Variants in DNAJC15 observed in about 807,000 individuals in gnomAD.
DNAJC15 encodes the protein dnaJ homolog subfamily C member 15.
A neutral mutation model predicts 22.4 loss-of-function variants in DNAJC15; 27 were observed. The ratio of observed to expected loss-of-function variants is 1.20; its 90% CI spans 0.89 to 1.66. The LOEUF is 1.66. DNAJC15 is among the 40% of genes most tolerant of loss of function. The pLI is 0.00. For missense variants in DNAJC15, 208 were observed against 187.1 expected, an observed-to-expected ratio of 1.11 and a Z score of -0.65; for synonymous variants, 79 against 63.2, an observed-to-expected ratio of 1.25 and a Z score of -1.19.
chr13:43,083,806 A>T (rs1044713105), intron 4 of DNAJC15, among the ~76,000 whole-genome samples: 2 of 152,188 alleles, frequency 1.3e-5, no homozygotes, highest in African/African-American at 4.8e-5. Flanking sequence ...TTAATTGTTT[A>T]TCTGGGAGGT....
chr13:43,027,462 A>G (rs890566984), intron 1 of DNAJC15, among the ~76,000 whole-genome samples: 1 of 152,188 alleles, frequency 6.6e-6, no homozygotes, highest in South Asian at 2.1e-4. Context: ...CTAGACACAT[A>G]TATGTTTCAT....
intron 2 of DNAJC15, 52 bp from the exon 3 acceptor site, chr13:43,068,874 GTTGA>G: frequency 6.9e-7 from 1 of 1,452,768 alleles, no homozygotes; most frequent in Non-Finnish European, 9.5e-7. Flanking sequence ...CTTTGAAGGT[GTTGA>G]TTGATTTTGA....
chr13:43,090,651 A>C (rs2040709872), intron 5 of DNAJC15, among the ~76,000 whole-genome samples: 1 of 151,764 alleles, frequency 6.6e-6, no homozygotes, highest in Non-Finnish European at 1.5e-5. Flanking sequence ...CTCTTAAAAG[A>C]AATTGGGCAG....
intron 4 of DNAJC15, among the ~76,000 whole-genome samples, chr13:43,084,384 C>G (rs577755863): frequency 6.6e-6 from 1 of 152,098 alleles, no homozygotes; most frequent in African/African-American, 2.4e-5. Flanking sequence ...TACGTGTATG[C>G]TACGTATGAG....
intron 1 of DNAJC15, among the ~76,000 whole-genome samples, 176 bp from the exon 2 acceptor site, chr13:43,065,510 C>G (rs1013936520): frequency 1.3e-5 from 2 of 152,078 alleles, no homozygotes; most frequent in African/African-American, 4.8e-5. Context: ...TTAGCTGATA[C>G]AGTGAGCAGC....
intron 1 of DNAJC15, among the ~76,000 whole-genome samples, chr13:43,041,267 C>T (rs1192983029): frequency 6.6e-6 from 1 of 152,156 alleles, no homozygotes; most frequent in Non-Finnish European, 1.5e-5. Context: ...CCACTGCTGC[C>T]TTCAAGCATT....
At chr13:43,097,534 T>A (rs1160483002) in intron 5 of DNAJC15, among the ~76,000 whole-genome samples, 1 of 151,870 alleles carries the variant, frequency 6.6e-6, no homozygotes, top group East Asian at 1.9e-4. Flanking sequence ...ATGAAGCAAA[T>A]AGGGAGTCAA....
intron 4 of DNAJC15, among the ~76,000 whole-genome samples, chr13:43,081,658 C>T (rs2040662320): frequency 1.3e-5 from 2 of 151,960 alleles, no homozygotes; most frequent in South Asian, 2.1e-4. Flanking sequence ...AGGATGGTCT[C>T]GATCTCCTGA....
rs920700632 is a variant in DNAJC15, at chr13:43,107,963, T to A, written c.*715T>A. The A allele has an allele frequency of 2.6e-5, 4 of 152,592 alleles. No individual in the cohort carries two copies. The highest frequency in any genetic ancestry group is 4.4e-5 in the Non-Finnish European group (3 of 68,002). 9.5% of individuals were successfully genotyped at this position (152,592 alleles called of 1,614,324 possible). ...TACTGTATATTCATTCATTACTCAT[T>A]CTACAAATATTTATTGACCCCTTTT... On this transcript the variant is annotated 3_prime_UTR_variant, in exon 6 of 6. Coordinates refer to ENST00000379221, the MANE Select transcript of DNAJC15 (RefSeq NM_013238.3).
intron 2 of DNAJC15, among the ~76,000 whole-genome samples, chr13:43,068,341 A>T (rs1206340429): frequency 6.6e-6 from 1 of 152,132 alleles, no homozygotes; most frequent in Non-Finnish European, 1.5e-5. Flanking sequence ...CCAACTAGGG[A>T]AAGAACTAAA....
chr13:43,085,757 T>A lies in DNAJC15; in HGVS notation c.312-11T>A, dbSNP rs757310008. On this transcript the variant is annotated splice_polypyrimidine_tract_variant and intron_variant, in intron 4 of 5. Transcript: ENST00000379221. Reference sequence around the variant, plus strand: ...GCTATTTATTATAAGCACTGTAATTTCTTTTTACAGCCCATCTGCTGGCAA... The same window carrying A: ...GCTATTTATTATAAGCACTGTAATTACTTTTTACAGCCCATCTGCTGGCAA... The A allele has an allele frequency of 5.0e-5, 81 of 1,609,128 alleles. No individual in the cohort carries two copies. In the East Asian group the frequency reaches 1.7e-3, roughly 35 times the overall value.
intron 5 of DNAJC15, among the ~76,000 whole-genome samples, chr13:43,103,400 T>G (rs1373381114): frequency 6.6e-6 from 1 of 152,238 alleles, no homozygotes; most frequent in Non-Finnish European, 1.5e-5. Flanking sequence ...ACACTGTTAT[T>G]TCAAACAGGT....
chr13:43,073,609 T>A (rs1173320210), intron 3 of DNAJC15, among the ~76,000 whole-genome samples: 1 of 152,234 alleles, frequency 6.6e-6, no homozygotes, highest in Non-Finnish European at 1.5e-5. Flanking sequence ...TTTAGTGTTC[T>A]TGTTTTCCTG....
rs556404844 is a variant in DNAJC15 at position 43,075,215 on chromosome 13, G to A, written c.235-3397G>A. Among the ~76,000 whole-genome samples the A allele has an allele frequency of 1.1e-3, 169 of 152,160 alleles. 1 individual carries two copies. The highest frequency in any genetic ancestry group is 3.6e-3 in the African/African-American group (150 of 41,522). ...TATGTATATACAGATTGACTTACTC[G>A]TAATAAAATCAGTGTTCATATGAAC... is the stretch of plus-strand genomic sequence containing the variant. On this transcript the variant is annotated intron_variant, in intron 3 of 5. Coordinates refer to ENST00000379221, the MANE Select transcript of DNAJC15 (RefSeq NM_013238.3).
At chr13:43,058,093 G>T (rs1360869668) in intron 1 of DNAJC15, among the ~76,000 whole-genome samples, 1 of 152,138 alleles carries the variant, frequency 6.6e-6, no homozygotes, top group Non-Finnish European at 1.5e-5. Context: ...TTGTTACATG[G>T]ACAGACTCAG....
intron 5 of DNAJC15, among the ~76,000 whole-genome samples, chr13:43,088,669 AATT>A (rs2040700461): frequency 6.6e-6 from 1 of 152,190 alleles, no homozygotes; most frequent in Non-Finnish European, 1.5e-5. Context: ...GATTTTCTCT[AATT>A]ATTCTCATTG....
At chr13:43,071,872 A>G (rs1162765620) in intron 3 of DNAJC15, among the ~76,000 whole-genome samples, 2 of 152,096 alleles carry the variant, frequency 1.3e-5, no homozygotes, top group African/African-American at 4.8e-5. Context: ...TTGCTGAAAT[A>G]GTGCCTTGGA....
At chr13:43,049,412 T>C (rs945312945) in intron 1 of DNAJC15, among the ~76,000 whole-genome samples, 2 of 152,208 alleles carry the variant, frequency 1.3e-5, no homozygotes, top group African/African-American at 4.8e-5. Flanking sequence ...AAAATACAGA[T>C]CCTCTTAGCC....
intron 5 of DNAJC15, among the ~76,000 whole-genome samples, chr13:43,105,233 C>A (rs1377145773): frequency 6.6e-6 from 1 of 152,036 alleles, no homozygotes; most frequent in African/African-American, 2.4e-5. Flanking sequence ...GGGAGAAGCA[C>A]AGTTGCTGCC....
Sources: allele counts gnomAD v4.1 joint callset (sites outside exome capture counted in the v4.1 genomes callset), GRCh38; gene constraint gnomAD v4.1.1; transcripts MANE v1.5; gene names NCBI Gene and HGNC (gene_info 2026-07-23, HGNC 2026-07-21).